The following NOTCH2 variants were observed in gnomAD, a reference collection of about 807,000 sequenced individuals.
The protein encoded by NOTCH2 is neurogenic locus notch homolog protein 2.
A neutral mutation model predicts 235.8 loss-of-function variants in NOTCH2; 29 were observed. The observed-to-expected ratio is 0.12, with a 90% CI of 0.09 to 0.17. The LOEUF (loss-of-function observed/expected upper bound fraction) is 0.17. Among genes scored for constraint, NOTCH2 ranks in the 10% least tolerant of loss-of-function variants. NOTCH2 has a pLI of 1.00. For missense variants in NOTCH2, 2,285 were observed against 3,150.2 expected (o/e 0.73, Z 6.57); for synonymous variants, 1,086 against 1,141.5 (o/e 0.95, Z 0.98).
At chr1:119,953,787 C>A (rs1479611326) in intron 13 of NOTCH2, 99 bp from the exon 14 acceptor site, 3 of 1,017,204 alleles carry the variant, frequency 2.9e-6, no homozygotes, top group South Asian at 1.3e-5. Context: ...GTAAACTGAT[C>A]TCATTTCTAC....
At chr1:120,013,671 AG>A (rs1369906293) in intron 2 of NOTCH2, among the ~76,000 whole-genome samples, 1 of 151,404 alleles carries the variant, frequency 6.6e-6, no homozygotes, top group African/African-American at 2.4e-5. Context: ...ATGGGAAGAA[AG>A]GGGAGTAATA....
Position 119,912,691 on chromosome 1 carries a change from C to T in NOTCH2, c.*2615G>A, listed in dbSNP as rs587693104. On this transcript the variant is annotated 3_prime_UTR_variant, in exon 34 of 34. Coordinates refer to ENST00000256646, the MANE Select transcript of NOTCH2 (RefSeq NM_024408.4). The stretch of plus-strand genomic sequence containing the variant: ...ATAGCAGGGGAGGATCTATACATGG[C>T]ATAAAAGATGTGTCTCATAAAAACT... 54 of 233,214 alleles carry T rather than the reference C, an allele frequency of 2.3e-4. No individual in the cohort carries two copies. Among genetic ancestry groups the T allele is most frequent in the Non-Finnish European group, 8.5e-5 (10 of 117,972 alleles). 14.4% of individuals were successfully genotyped at this position (233,214 alleles called of 1,614,324 possible).
intron 5 of NOTCH2, among the ~76,000 whole-genome samples, chr1:119,985,448 T>C (rs1368092762): frequency 3.9e-5 from 6 of 152,204 alleles, no homozygotes; most frequent in Admixed American, 1.3e-4. Flanking sequence ...ATCATTTCAC[T>C]GGGGAAGTTT....
rs886044699 is a variant in NOTCH2, at chr1:119,915,885, A to T, written c.6837T>A (p.His2279Gln). 2 of 1,614,020 alleles carry T rather than the reference A, an allele frequency of 1.2e-6. No homozygotes were observed. The highest frequency in any genetic ancestry group is 1.7e-6 in the Non-Finnish European group (2 of 1,180,030). Residue 2279 changes from histidine to glutamine, a missense_variant, in exon 34 of 34, where the codon CAT (histidine) becomes CAA (glutamine). Physicochemically the swap from His to Gln is conservative, Grantham distance 24. Transcript: ENST00000256646. The part of the protein sequence containing the change: ...GMVLAPAEGT[H>Q]PGIAPQSRPP... ...GCCTGCTCTGGGGAGCTATGCCAGG[A>T]TGGGTGCCCTCAGCTGGAGCCAGGA...
chr1:119,939,269 T>C (rs1359019196), intron 19 of NOTCH2, among the ~76,000 whole-genome samples: 1 of 152,194 alleles, frequency 6.6e-6, no homozygotes, highest in Non-Finnish European at 1.5e-5. Flanking sequence ...TGTAGTCTAA[T>C]TCCTCTTAGG....
chr1:119,955,891 C>A (rs1042396152), intron 12 of NOTCH2, among the ~76,000 whole-genome samples: 2 of 152,126 alleles, frequency 1.3e-5, no homozygotes, highest in African/African-American at 4.8e-5. Flanking sequence ...CTTTAATGTG[C>A]AAAATCATCA....
chr1:119,928,294 G>A (rs1464332295), intron 23 of NOTCH2, among the ~76,000 whole-genome samples: 3 of 152,184 alleles, frequency 2.0e-5, no homozygotes, highest in Non-Finnish European at 4.4e-5. Context: ...GGCATTACTT[G>A]TGACCACTGC....
intron 19 of NOTCH2, 129 bp from the exon 20 acceptor site, chr1:119,938,139 T>C: frequency 2.0e-6 from 2 of 997,224 alleles, no homozygotes; most frequent in East Asian, 2.6e-5. Flanking sequence ...CTTCATCTAG[T>C]AAAAGAGCCC....
Position 119,948,433 on chromosome 1 carries a change from G to T in NOTCH2, c.2733C>A (p.Asp911Glu). The T allele has an allele frequency of 1.2e-6, 2 of 1,614,186 alleles. No individual in the cohort carries two copies. The highest frequency in any genetic ancestry group is 1.7e-6 in the Non-Finnish European group (2 of 1,180,050). ...PGFSGMDCEE[D>E]IDDCLANPCQ... Reference sequence around the variant, plus strand: ...ACTCACTGGCAAGGCAGTCATCAATGTCCTCCTCACAGTCCATACCACTGA... The same window carrying T: ...ACTCACTGGCAAGGCAGTCATCAATTTCCTCCTCACAGTCCATACCACTGA... Residue 911 changes from aspartate (D) to glutamate (E), a missense_variant, in exon 17 of 34, where the codon GAC becomes GAA. By Grantham distance (45) the Asp-to-Glu change is conservative (BLOSUM62 2). Coordinates refer to ENST00000256646, the MANE Select transcript of NOTCH2 (RefSeq NM_024408.4).
intron 28 of NOTCH2, 138 bp downstream of exon 28, chr1:119,922,098 T>C (rs1364286223): frequency 9.9e-7 from 1 of 1,008,230 alleles, no homozygotes; most frequent in Non-Finnish European, 1.5e-6. Flanking sequence ...TTTCAGTCAC[T>C]CACAAGGCAT....
intron 5 of NOTCH2, among the ~76,000 whole-genome samples, chr1:119,986,739 T>C (rs909612955): frequency 6.6e-5 from 10 of 152,134 alleles, no homozygotes; most frequent in African/African-American, 1.9e-4. Flanking sequence ...GGGTTCAGAG[T>C]TGCTGCCCAA....
rs587617762 is a variant in NOTCH2 at position 119,928,918 on chromosome 1, T to C, written c.3892+58A>G. ...TCTGGGACAACTCACAGGGCCCAATTTGTTCACTAAAACCATCCTCCAAGG... is the reference window on the plus strand; with the variant it reads ...TCTGGGACAACTCACAGGGCCCAATCTGTTCACTAAAACCATCCTCCAAGG... On this transcript the variant is annotated intron_variant, in intron 23 of 33. Transcript: ENST00000256646. 4.8e-6 allele frequency: 7 copies of C among 1,443,430 alleles called. No individual in the cohort carries two copies. In the East Asian group the frequency reaches 1.6e-4, roughly 33 times the overall value. 89.4% of individuals were successfully genotyped at this position (1,443,430 alleles called of 1,614,324 possible).
chr1:120,028,034 T>C (rs1170541364), intron 2 of NOTCH2, among the ~76,000 whole-genome samples: 2 of 114,216 alleles, frequency 1.8e-5, no homozygotes, highest in African/African-American at 7.8e-5. Flanking sequence ...TGGTTCTAGA[T>C]CCTTGAGGAA....
intron 11 of NOTCH2, among the ~76,000 whole-genome samples, chr1:119,963,003 C>T (rs189719092): frequency 2.6e-5 from 4 of 152,234 alleles, no homozygotes; most frequent in Admixed American, 6.5e-5. Flanking sequence ...GACAGCTCTG[C>T]GTTCTACTTT....
In NOTCH2 at chr1:119,915,740, A is replaced by G. The variant is rs757922369; in HGVS notation, c.6982T>C (p.Cys2328Arg). The part of the protein sequence containing the change: ...PAGAPQPQST[C>R]PPAVAGPLPT... ...AGGGGGCCCGCAACAGCTGGAGGGCAGGTGGACTGAGGCTGGGGAGCCCCC... is the reference window on the plus strand; with the variant it reads ...AGGGGGCCCGCAACAGCTGGAGGGCGGGTGGACTGAGGCTGGGGAGCCCCC... The change falls in exon 34 of 34, where the codon TGC becomes CGC. Residue 2328 changes from cysteine to arginine, a missense_variant. Coordinates refer to ENST00000256646, the MANE Select transcript of NOTCH2 (RefSeq NM_024408.4). The G allele has an allele frequency of 2.2e-5, 35 of 1,607,658 alleles. No homozygotes were observed. The East Asian group carries it at 7.8e-4, about 36-fold the overall frequency.
chr1:119,958,207 C>G (rs989574289), intron 12 of NOTCH2, among the ~76,000 whole-genome samples: 4 of 152,122 alleles, frequency 2.6e-5, no homozygotes, highest in African/African-American at 9.7e-5. Context: ...TTTCAGGATG[C>G]AGAACATCAG....
At chr1:119,933,213 G>C (rs1334503593) in intron 22 of NOTCH2, among the ~76,000 whole-genome samples, 2 of 152,176 alleles carry the variant, frequency 1.3e-5, no homozygotes, top group East Asian at 3.9e-4. Context: ...GGAAGAGGCA[G>C]AACTGTTACA....
At chr1:120,041,071 A>AAAAAATAT in intron 1 of NOTCH2, among the ~76,000 whole-genome samples, 1 of 77,330 alleles carries the variant, frequency 1.3e-5, no homozygotes, top group Non-Finnish European at 2.0e-5. Flanking sequence ...AAAAAAAAAA[A>AAAAAATAT]ATATATATAT....
At chr1:119,978,185 A>G (rs587637376) in intron 5 of NOTCH2, among the ~76,000 whole-genome samples, 3 of 151,728 alleles carry the variant, frequency 2.0e-5, no homozygotes, top group Admixed American at 2.0e-4. Flanking sequence ...TGGAGTGCGG[A>G]GTATTTCAGG....
Sources: gnomAD v4.1 joint callset for allele counts (sites outside exome capture counted in the v4.1 genomes callset) on GRCh38, gnomAD v4.1.1 for gene constraint, MANE v1.5 for transcripts, NCBI Gene and HGNC (gene_info 2026-07-23, HGNC 2026-07-21) for gene names.